The following TACC2 variants were observed in gnomAD, a reference collection of about 807,000 sequenced individuals.
TACC2 encodes transforming acidic coiled-coil-containing protein 2.
In TACC2, 137 loss-of-function variants were observed where a neutral mutation model predicts 227.3. The ratio of observed to expected loss-of-function variants is 0.60; its 90% CI spans 0.52 to 0.69. TACC2 has a LOEUF of 0.69. Ranked by LOEUF, TACC2 falls within the 30% of genes least tolerant of loss-of-function variation. The pLI is 0.00. For synonymous variants in TACC2, 1,523 were observed against 1,487.5 expected, an observed-to-expected ratio of 1.02 and a Z score of -0.55; for missense variants, 3,470 against 3,694.4, an observed-to-expected ratio of 0.94 and a Z score of 1.57.
At chr10:122,060,015 G>A (rs1228611313) in intron 3 of TACC2, among the ~76,000 whole-genome samples, 1 of 152,190 alleles carries the variant, frequency 6.6e-6, no homozygotes, top group Non-Finnish European at 1.5e-5. Flanking sequence ...GCCAGAGAAG[G>A]AGGTGATACA....
intron 2 of TACC2, among the ~76,000 whole-genome samples, chr10:122,046,380 CGGATAATCACTTGAACCCAGGAGGCG>C (rs2075004097): frequency 6.8e-6 from 1 of 147,692 alleles, no homozygotes; most frequent in Admixed American, 6.8e-5. Flanking sequence ...AGGCTGAGGC[CGGATAATCACTTGAACCCAGGAGGCG>C]GAGCTTACAG....
intron 2 of TACC2, among the ~76,000 whole-genome samples, chr10:122,036,741 T>C: frequency 6.6e-6 from 1 of 152,182 alleles, no homozygotes; most frequent in Non-Finnish European, 1.5e-5. Context: ...CTGTGATGAA[T>C]ATGGGTGTCC....
intron 8 of TACC2, among the ~76,000 whole-genome samples, chr10:122,202,766 G>GC: frequency 6.7e-6 from 1 of 149,998 alleles, no homozygotes; most frequent in Middle Eastern, 3.4e-3. Context: ...ATAAACAAGT[G>GC]AACAAAGGTC....
chr10:122,220,804 C>A (rs1438556326), intron 11 of TACC2, among the ~76,000 whole-genome samples: 1 of 152,212 alleles, frequency 6.6e-6, no homozygotes, highest in Non-Finnish European at 1.5e-5. Context: ...CTTTTACATT[C>A]ATGATTTCAT....
chr10:122,026,668 C>A (rs146148102), intron 2 of TACC2, among the ~76,000 whole-genome samples: 1 of 150,226 alleles, frequency 6.7e-6, no homozygotes, highest in African/African-American at 2.5e-5. Context: ...AACCATGAAT[C>A]TTTTTACTGT....
chr10:122,034,363 A>C (rs1267420963), intron 2 of TACC2, among the ~76,000 whole-genome samples: 11 of 152,122 alleles, frequency 7.2e-5, no homozygotes, highest in African/African-American at 2.2e-4. Flanking sequence ...CTGATGACTC[A>C]TGTTTTATAG....
At position 122,087,085 on chromosome 10, in the gene TACC2, G is replaced by A. The variant is rs769043605; in HGVS notation, c.4585G>A (p.Glu1529Lys). ...TGTCCCACCCACACTGAGGGAAGACGAGAGGCCAGAGGGGCCTGGGGCAGC... is the reference window on the plus strand; with the variant it reads ...TGTCCCACCCACACTGAGGGAAGACAAGAGGCCAGAGGGGCCTGGGGCAGC... ...AGVPPTLRED[E>K]RPEGPGAAWP... is the part of the protein sequence containing the mutation. Residue 1529 changes from glutamate to lysine, a missense_variant, in exon 4 of 23, where the codon GAG (glutamate) becomes AAG (lysine). Transcript: ENST00000369005. 1.8e-5 allele frequency: 29 copies of A among 1,611,910 alleles called. No individual in the cohort carries two copies. Among genetic ancestry groups the A allele is most frequent in the South Asian group, 4.4e-5 (4 of 90,872 alleles).
At chr10:121,995,875 T>C (rs1730053485) in intron 1 of TACC2, among the ~76,000 whole-genome samples, 1 of 152,104 alleles carries the variant, frequency 6.6e-6, no homozygotes, top group Non-Finnish European at 1.5e-5. Context: ...TGCCTCAGTC[T>C]CCTGAGTAGC....
intron 1 of TACC2, among the ~76,000 whole-genome samples, chr10:122,004,902 T>C (rs771384314): frequency 4.7e-4 from 72 of 152,268 alleles, no homozygotes; most frequent in Middle Eastern, 6.8e-3. Context: ...TTTTTGTATT[T>C]CCCCTTTTAT....
chr10:122,212,287 A>G (rs1477037326), intron 9 of TACC2, among the ~76,000 whole-genome samples: 1 of 152,150 alleles, frequency 6.6e-6, no homozygotes, highest in Non-Finnish European at 1.5e-5. Flanking sequence ...CTCTCCAGTC[A>G]TCTTTTGTAG....
At chr10:122,057,169 C>T (rs950986554) in intron 3 of TACC2, among the ~76,000 whole-genome samples, 13 of 151,998 alleles carry the variant, frequency 8.6e-5, no homozygotes, top group Non-Finnish European at 1.5e-4. Context: ...TTCAGCTGGG[C>T]AACAAGAGTG....
intron 7 of TACC2, among the ~76,000 whole-genome samples, chr10:122,191,605 T>C (rs1197528592): frequency 2.0e-5 from 3 of 152,236 alleles, no homozygotes; most frequent in Admixed American, 6.5e-5. Flanking sequence ...CTGGGCCGCA[T>C]GCAGCCCATA....
chr10:122,144,674 A>G (rs1344405490), intron 7 of TACC2, among the ~76,000 whole-genome samples: 1 of 152,176 alleles, frequency 6.6e-6, no homozygotes, highest in Admixed American at 6.5e-5. Context: ...ACATCACCAC[A>G]TGCAGATGAT....
chr10:122,108,726 A>G (rs2083234996), intron 5 of TACC2, among the ~76,000 whole-genome samples: 1 of 148,536 alleles, frequency 6.7e-6, no homozygotes, highest in Non-Finnish European at 1.5e-5. Flanking sequence ...TACAGGTGTG[A>G]GCCATCGCCC....
chr10:122,224,569 G>T (rs1260925198), intron 11 of TACC2, among the ~76,000 whole-genome samples, 157 bp from the exon 12 acceptor site: 1 of 152,122 alleles, frequency 6.6e-6, no homozygotes. Flanking sequence ...CTTTTCTTCA[G>T]GCTATATGAG....
intron 1 of TACC2, among the ~76,000 whole-genome samples, chr10:121,993,702 C>T (rs1179683117): frequency 1.3e-5 from 2 of 152,098 alleles, no homozygotes; most frequent in African/African-American, 4.8e-5. Flanking sequence ...CACAGCTCAC[C>T]GCAACCTCAA....
intron 7 of TACC2, among the ~76,000 whole-genome samples, chr10:122,169,643 C>T (rs1281011610): frequency 6.6e-6 from 1 of 152,146 alleles, no homozygotes; most frequent in Non-Finnish European, 1.5e-5. Flanking sequence ...CCTGGGCAAT[C>T]TTTGTTTTCT....
intron 8 of TACC2, among the ~76,000 whole-genome samples, chr10:122,204,201 G>GT (rs2095023410): frequency 7.3e-6 from 1 of 136,236 alleles, no homozygotes; most frequent in Non-Finnish European, 1.6e-5. Flanking sequence ...GGGGGAGGGG[G>GT]AGGGGTAGAT....
chr10:122,186,700 A>T (rs1211676259), intron 7 of TACC2, among the ~76,000 whole-genome samples: 1 of 152,018 alleles, frequency 6.6e-6, no homozygotes, highest in African/African-American at 2.4e-5. Context: ...TTTAGTAGAG[A>T]TGGGGTTTCA....
Sources: allele counts gnomAD v4.1 joint callset (sites outside exome capture counted in the v4.1 genomes callset), GRCh38; gene constraint gnomAD v4.1.1; transcripts MANE v1.5; gene names NCBI Gene and HGNC (gene_info 2026-07-23, HGNC 2026-07-21).